The following SLC44A3 variants were observed in gnomAD, a reference collection of about 807,000 sequenced individuals.
SLC44A3 encodes the protein solute carrier family 44 member 3, also known as choline transporter-like protein 3.
In SLC44A3, 74 loss-of-function variants were observed where a neutral mutation model predicts 75.4. That is an observed-to-expected ratio of 0.98 (90% CI 0.81 to 1.19). The LOEUF (loss-of-function observed/expected upper bound fraction) is 1.19. Among genes scored for constraint, SLC44A3 ranks in the 50% most tolerant of loss-of-function variants. The probability of loss-of-function intolerance (pLI) is 0.00; values close to 1 mark genes in which losing one functional copy is unlikely to be tolerated. For missense variants in SLC44A3, 700 were observed against 778.6 expected (o/e 0.90, Z 1.20); for synonymous variants, 310 against 296.9 (o/e 1.04, Z -0.45).
intron 7 of SLC44A3, among the ~76,000 whole-genome samples, chr1:94,841,715 G>T (rs1663670974): frequency 1.3e-5 from 2 of 152,194 alleles, no homozygotes; most frequent in African/African-American, 2.4e-5. Flanking sequence ...CTCGCATCCA[G>T]ACCCAACCTG....
Position 94,827,531 on chromosome 1 carries a change from C to A in SLC44A3, c.303C>A (p.Cys101Ter). The A allele has an allele frequency of 3.1e-6, 5 of 1,614,208 alleles. No individual in the cohort carries two copies. The highest frequency in any genetic ancestry group is 2.5e-6 in the Non-Finnish European group (3 of 1,180,022). The stretch of plus-strand genomic sequence containing the variant: ...GACACGTGTTCTTTATGAATTCCTG[C>A]AACCTGGAAGTCAAAGGTACGCAGC... ...LKKHVFFMNS[C>*]NLEVKGTQLN... is the part of the protein sequence containing the mutation. Residue 101 changes from cysteine to a stop codon, truncating the protein, a stop_gained, in exon 4 of 15, where the codon TGC (cysteine) becomes TGA (stop). Coordinates refer to ENST00000271227, the MANE Select transcript of SLC44A3 (RefSeq NM_001114106.3). LOFTEE classifies it high-confidence loss of function.
At chr1:94,866,340 A>G (rs1667164311) in intron 11 of SLC44A3, among the ~76,000 whole-genome samples, 1 of 152,186 alleles carries the variant, frequency 6.6e-6, no homozygotes. Flanking sequence ...TGGAAGGCCC[A>G]AGGTCTCTCT....
At chr1:94,827,144 G>A (rs1237551252) in intron 3 of SLC44A3, among the ~76,000 whole-genome samples, 1 of 152,190 alleles carries the variant, frequency 6.6e-6, no homozygotes, top group African/African-American at 2.4e-5. Flanking sequence ...GGGTACAAAT[G>A]TGTTCTCCGT....
At chr1:94,844,453 AC>A (rs1437750059) in intron 8 of SLC44A3, among the ~76,000 whole-genome samples, 1 of 152,168 alleles carries the variant, frequency 6.6e-6, no homozygotes, top group East Asian at 1.9e-4. Flanking sequence ...AATAGGAGAT[AC>A]CCCCAGAAGA....
chr1:94,836,418 A>G (rs971018658), intron 5 of SLC44A3, among the ~76,000 whole-genome samples: 2 of 152,184 alleles, frequency 1.3e-5, no homozygotes. Context: ...CACATTTACT[A>G]TCCATTTATT....
At chr1:94,852,161 C>G (rs746605582) in intron 9 of SLC44A3, among the ~76,000 whole-genome samples, 1 of 152,138 alleles carries the variant, frequency 6.6e-6, no homozygotes, top group Non-Finnish European at 1.5e-5. Context: ...GCTGGAGATA[C>G]AGCTTTTCTT....
In SLC44A3 at chr1:94,870,892, G is replaced by C. The variant is rs1667692022; in HGVS notation, c.1482+3475G>C. 1.3e-5 allele frequency among the ~76,000 whole-genome samples: 2 copies of C among 152,174 alleles called. 1 individual carries two copies. The highest frequency in any genetic ancestry group is 3.8e-4 in the East Asian group (2 of 5,196). On this transcript the variant is annotated intron_variant, in intron 12 of 14. Transcript: ENST00000271227. Reference sequence around the variant, plus strand: ...AACGGCATTTCACCATGTTGGCCAGGCTGGTCTTGAACTCCTGACCTCAGG... The same window carrying C: ...AACGGCATTTCACCATGTTGGCCAGCCTGGTCTTGAACTCCTGACCTCAGG...
chr1:94,851,232 TC>T (rs1665175930), intron 9 of SLC44A3, among the ~76,000 whole-genome samples: 1 of 152,204 alleles, frequency 6.6e-6, no homozygotes, highest in Admixed American at 6.5e-5. Context: ...TAGATATTTC[TC>T]CTCCATTTTT....
intron 12 of SLC44A3, among the ~76,000 whole-genome samples, chr1:94,872,882 T>C (rs1244917610): frequency 1.3e-5 from 2 of 152,206 alleles, no homozygotes; most frequent in Non-Finnish European, 1.5e-5. Context: ...TTTCTCTTCA[T>C]GATATACCTT....
At chr1:94,848,074 G>A (rs698960) in intron 9 of SLC44A3, among the ~76,000 whole-genome samples, 110,463 of 151,916 alleles carry the variant, frequency 0.73, 40,480 homozygotes, top group Middle Eastern at 0.77. Context: ...TAAAAATACA[G>A]AAAACTTAGC....
chr1:94,873,235 T>C (rs936683521), intron 12 of SLC44A3, among the ~76,000 whole-genome samples: 10 of 152,128 alleles, frequency 6.6e-5, no homozygotes, highest in Non-Finnish European at 1.2e-4. Flanking sequence ...CTGCATCCCC[T>C]TGAGGAGGGA....
rs1345822337 is a variant in SLC44A3 at position 94,864,811 on chromosome 1, G to T, written c.1307G>T (p.Gly436Val). Residue 436 changes from glycine to valine, a missense_variant, in exon 11 of 15, where the codon GGA (glycine) becomes GTA (valine). Coordinates refer to ENST00000271227, the MANE Select transcript of SLC44A3 (RefSeq NM_001114106.3). ...SLSILFFYHQ[G>V]TVVKGSFLIS... The stretch of plus-strand genomic sequence containing the variant: ...TCCATTCTCTTCTTCTACCATCAAG[G>T]AACCGTTGTGAAAGGGTCATTTTTA... 1 of 1,613,868 alleles carries T rather than the reference G, an allele frequency of 6.2e-7. No individual in the cohort carries two copies. The highest frequency in any genetic ancestry group is 1.7e-5 in the Admixed American group (1 of 60,002).
chr1:94,875,156 G>A (rs755111506), intron 12 of SLC44A3, among the ~76,000 whole-genome samples: 5 of 152,168 alleles, frequency 3.3e-5, no homozygotes, highest in African/African-American at 9.7e-5. Flanking sequence ...GCCTGAGCCC[G>A]CCTACACTCT....
chr1:94,894,090 G>A (rs1268980742), intron 14 of SLC44A3, among the ~76,000 whole-genome samples: 1 of 151,546 alleles, frequency 6.6e-6, no homozygotes, highest in Non-Finnish European at 1.5e-5. Context: ...GGGTGACTCC[G>A]TCTCCACCAC....
At chr1:94,861,321 A>G (rs925713732) in intron 10 of SLC44A3, among the ~76,000 whole-genome samples, 2 of 152,216 alleles carry the variant, frequency 1.3e-5, no homozygotes, top group Non-Finnish European at 2.9e-5. Context: ...TCAGTAGACA[A>G]TATCTGAAGC....
At chr1:94,873,861 A>G (rs1668014012) in intron 12 of SLC44A3, among the ~76,000 whole-genome samples, 1 of 152,244 alleles carries the variant, frequency 6.6e-6, no homozygotes, top group Non-Finnish European at 1.5e-5. Context: ...AATGATGTAA[A>G]GTTTCTTAAG....
intron 12 of SLC44A3, among the ~76,000 whole-genome samples, chr1:94,882,070 T>C (rs928797485): frequency 4.6e-5 from 7 of 152,092 alleles, no homozygotes; most frequent in African/African-American, 2.4e-5. Context: ...GTAAGTCCCA[T>C]AGACATCCAC....
intron 5 of SLC44A3, among the ~76,000 whole-genome samples, chr1:94,829,678 G>A (rs1557805489): frequency 6.6e-6 from 1 of 152,210 alleles, no homozygotes; most frequent in Non-Finnish European, 1.5e-5. Context: ...AGGAAAACTT[G>A]TATTGATTTT....
intron 9 of SLC44A3, among the ~76,000 whole-genome samples, chr1:94,846,949 G>A (rs1016541363): frequency 6.8e-6 from 1 of 147,120 alleles, no homozygotes; most frequent in South Asian, 2.1e-4. Flanking sequence ...TGCCAAGATC[G>A]TCAGCAGGCT....
Sources: gnomAD v4.1 joint callset for allele counts (sites outside exome capture counted in the v4.1 genomes callset) on GRCh38, gnomAD v4.1.1 for gene constraint, MANE v1.5 for transcripts, NCBI Gene and HGNC (gene_info 2026-07-23, HGNC 2026-07-21) for gene names.